PTPRR: variants seen among roughly 807,000 people sequenced by gnomAD.
PTPRR encodes the protein protein tyrosine phosphatase receptor type R.
A neutral mutation model predicts 77.2 loss-of-function variants in PTPRR; 38 were observed. The ratio of observed to expected loss-of-function variants is 0.49; its 90% CI spans 0.38 to 0.65. The LOEUF is 0.65. Ranked by LOEUF, PTPRR falls within the 30% of genes least tolerant of loss-of-function variation. PTPRR has a pLI of 0.00. For synonymous variants in PTPRR, 299 were observed against 283.1 expected, an observed-to-expected ratio of 1.06 and a Z score of -0.57; for missense variants, 744 against 799.2, an observed-to-expected ratio of 0.93 and a Z score of 0.83.
At chr12:70,838,955 T>G (rs1892349880) in intron 2 of PTPRR, among the ~76,000 whole-genome samples, 1 of 152,158 alleles carries the variant, frequency 6.6e-6, no homozygotes, top group Non-Finnish European at 1.5e-5. Flanking sequence ...TAGATTACAC[T>G]TCCCTGAGTC....
intron 2 of PTPRR, among the ~76,000 whole-genome samples, chr12:70,786,835 C>G (rs1162885280): frequency 6.6e-6 from 1 of 152,066 alleles, no homozygotes; most frequent in Non-Finnish European, 1.5e-5. Context: ...AATAAAAACT[C>G]TATGATTTAA....
intron 2 of PTPRR, among the ~76,000 whole-genome samples, chr12:70,823,652 G>C (rs1042187672): frequency 2.0e-5 from 3 of 152,212 alleles, no homozygotes; most frequent in Non-Finnish European, 4.4e-5. Flanking sequence ...GGGGCAGCAA[G>C]AAAGATGGCC....
At chr12:70,721,801 CCTG>C (rs1247339486) in intron 6 of PTPRR, among the ~76,000 whole-genome samples, 2 of 152,038 alleles carry the variant, frequency 1.3e-5, no homozygotes, top group Admixed American at 1.3e-4. Context: ...TGAAATTCGC[CCTG>C]CTAATATATC....
intron 1 of PTPRR, among the ~76,000 whole-genome samples, chr12:70,916,995 T>A (rs904103559): frequency 1.4e-4 from 22 of 152,230 alleles, no homozygotes; most frequent in African/African-American, 5.1e-4. Context: ...AGCTTTCACA[T>A]GAGAATTTTT....
At chr12:70,683,724 A>T (rs1010630454) in intron 10 of PTPRR, among the ~76,000 whole-genome samples, 68 of 152,338 alleles carry the variant, frequency 4.5e-4, no homozygotes, top group African/African-American at 1.6e-3. Flanking sequence ...TAGAAAGTTA[A>T]AATCTACCAA....
chr12:70,674,923 T>C (rs1887387887), intron 10 of PTPRR, among the ~76,000 whole-genome samples: 1 of 152,110 alleles, frequency 6.6e-6, no homozygotes, highest in South Asian at 2.1e-4. Flanking sequence ...TTATGTATAT[T>C]ATGCATTTAT....
chr12:70,869,651 C>G (rs1565724798), intron 2 of PTPRR, among the ~76,000 whole-genome samples: 1 of 151,980 alleles, frequency 6.6e-6, no homozygotes, highest in African/African-American at 2.4e-5. Flanking sequence ...GGAGTTCTTA[C>G]AAGAGGGAGG....
intron 2 of PTPRR, among the ~76,000 whole-genome samples, chr12:70,765,556 C>T (rs1435885986): frequency 1.3e-5 from 2 of 152,202 alleles, no homozygotes; most frequent in African/African-American, 4.8e-5. Context: ...GCCTGCCTGC[C>T]TCTGTAGGCT....
At chr12:70,684,673 A>C (rs769517321) in intron 9 of PTPRR, 31 bp downstream of exon 9, 12 of 1,422,706 alleles carry the variant, frequency 8.4e-6, no homozygotes, top group Non-Finnish European at 1.2e-5. Flanking sequence ...ATAGGAAGTC[A>C]CCAGAAAGAA....
At chr12:70,819,157 CT>C (rs1891961144) in intron 2 of PTPRR, among the ~76,000 whole-genome samples, 3 of 152,126 alleles carry the variant, frequency 2.0e-5, no homozygotes, top group Non-Finnish European at 2.9e-5. Context: ...CCCATCTCTA[CT>C]AAAAATACAA....
chr12:70,806,117 ATG>A (rs1283046366), intron 2 of PTPRR, among the ~76,000 whole-genome samples: 1 of 152,190 alleles, frequency 6.6e-6, no homozygotes, highest in Non-Finnish European at 1.5e-5. Flanking sequence ...CCAATTACAG[ATG>A]TGTCTTCAGG....
intron 1 of PTPRR, among the ~76,000 whole-genome samples, chr12:70,905,355 T>C (rs1893605319): frequency 6.6e-6 from 1 of 151,910 alleles, no homozygotes; most frequent in African/African-American, 2.4e-5. Flanking sequence ...AAAGTTGATA[T>C]GAAATACATG....
intron 2 of PTPRR, among the ~76,000 whole-genome samples, chr12:70,853,806 CAT>C (rs1457102149): frequency 2.0e-5 from 3 of 152,192 alleles, no homozygotes; most frequent in Non-Finnish European, 4.4e-5. Context: ...ACACTGGTCA[CAT>C]ATGTTTGTGA....
At chr12:70,853,890 T>C (rs560203904) in intron 2 of PTPRR, among the ~76,000 whole-genome samples, 2 of 152,356 alleles carry the variant, frequency 1.3e-5, no homozygotes, top group African/African-American at 4.8e-5. Context: ...TGTTTCTACC[T>C]TACTCTTACT....
At chr12:70,902,111 T>C (rs1893545342) in intron 1 of PTPRR, among the ~76,000 whole-genome samples, 5 of 151,828 alleles carry the variant, frequency 3.3e-5, no homozygotes. Context: ...AAAACCACAA[T>C]GCAATACCAC....
At chr12:70,804,139 CTGTGTGTGTGTGTGTGTG>C (rs58442488) in intron 2 of PTPRR, among the ~76,000 whole-genome samples, 3 of 137,338 alleles carry the variant, frequency 2.2e-5, no homozygotes, top group South Asian at 5.1e-4. Context: ...GTTCCTGGCT[CTGTGTGTGTGTGTGTGTG>C]TGTGTGTGTG....
chr12:70,659,644 T>A (rs562899008), intron 12 of PTPRR, among the ~76,000 whole-genome samples: 1 of 152,174 alleles, frequency 6.6e-6, no homozygotes. Flanking sequence ...GTTAGGCTGT[T>A]TTTTTGTTTT....
chr12:70,744,079 A>C (rs1423864513), intron 6 of PTPRR, among the ~76,000 whole-genome samples: 1 of 152,182 alleles, frequency 6.6e-6, no homozygotes, highest in East Asian at 1.9e-4. Context: ...TCTGTGCTTC[A>C]AAGTTCCTCT....
intron 2 of PTPRR, among the ~76,000 whole-genome samples, chr12:70,858,693 C>T (rs2137076428): frequency 6.6e-6 from 1 of 152,008 alleles, no homozygotes. Context: ...AGCACCTTGC[C>T]CCATGACCTT....
Sources: gnomAD v4.1 joint callset for allele counts (sites outside exome capture counted in the v4.1 genomes callset) on GRCh38, gnomAD v4.1.1 for gene constraint, MANE v1.5 for transcripts, NCBI Gene and HGNC (gene_info 2026-07-23, HGNC 2026-07-21) for gene names.